The following ACACB variants were observed in gnomAD, a reference collection of about 807,000 sequenced individuals.
ACACB encodes the protein acetyl-CoA carboxylase beta.
ACACB carries 209 observed loss-of-function variants against 278.8 expected under a neutral mutation model. That is an observed-to-expected ratio of 0.75 (90% CI 0.67 to 0.84). The LOEUF is 0.84. Ranked by LOEUF, ACACB falls within the 40% of genes least tolerant of loss-of-function variation. ACACB has a pLI of 0.00. For synonymous variants in ACACB, 1,174 were observed against 1,285.6 expected (o/e 0.91, Z 1.86); for missense variants, 2,850 against 3,269.0 (o/e 0.87, Z 3.13).
chr12:109,150,954 T>G (rs907022930), intron 2 of ACACB, among the ~76,000 whole-genome samples: 1 of 151,246 alleles, frequency 6.6e-6, no homozygotes, highest in Non-Finnish European at 1.5e-5. Flanking sequence ...TTTCTTTTTC[T>G]TTTTTTCTTT....
intron 2 of ACACB, 28 bp from the exon 3 acceptor site, chr12:109,166,833 A>ACGTCTGT: frequency 2.5e-6 from 4 of 1,613,708 alleles, no homozygotes; most frequent in Non-Finnish European, 3.4e-6. Context: ...TCCCTCATGC[A>ACGTCTGT]CGTCTGTCCC....
Position 109,209,208 on chromosome 12 carries a change from C to T in ACACB, c.3104C>T (p.Pro1035Leu), listed in dbSNP as rs750458750. 1.4e-5 allele frequency: 22 copies of T among 1,608,752 alleles called. No homozygotes were observed. Among genetic ancestry groups the T allele is most frequent in the East Asian group, 8.9e-5 (4 of 44,768 alleles). Residue 1035 changes from proline to leucine, a missense_variant, in exon 21 of 53, where the codon CCG (proline) becomes CTG (leucine). By Grantham distance (98) the Pro-to-Leu change is moderately conservative. Around this residue, in one of 3 missense-constraint regions of ACACB, gnomAD observed 2,265 missense variants for 2,561.3 expected, o/e 0.88. Transcript: ENST00000338432. ...VQKLMMTLRHPSLPLLELQEI... is the reference protein window; with the variant it reads ...VQKLMMTLRHLSLPLLELQEI... Reference sequence around the variant, plus strand: ...AAGCTCATGATGACCCTCCGGCACCCGTCACTGCCGCTGCTGGAGCTGCAG... The same window carrying T: ...AAGCTCATGATGACCCTCCGGCACCTGTCACTGCCGCTGCTGGAGCTGCAG...
At chr12:109,127,687 T>A (rs1395032588) in intron 1 of ACACB, among the ~76,000 whole-genome samples, 1 of 152,172 alleles carries the variant, frequency 6.6e-6, no homozygotes, top group African/African-American at 2.4e-5. Flanking sequence ...AGATGACAGT[T>A]GCAATTATTT....
At chr12:109,222,294 C>G (rs978000463) in intron 24 of ACACB, among the ~76,000 whole-genome samples, 1 of 150,862 alleles carries the variant, frequency 6.6e-6, no homozygotes, top group Non-Finnish European at 1.5e-5. Flanking sequence ...AATGGGTGGC[C>G]GAGTGAGTGA....
chr12:109,253,867 T>C (rs35811875), intron 43 of ACACB, among the ~76,000 whole-genome samples: 72,792 of 152,002 alleles, frequency 0.48, 18,560 homozygotes, highest in Non-Finnish European at 0.57. Flanking sequence ...TCTGTTACCA[T>C]TCTCTGCAAC....
chr12:109,198,057 C>T (rs960940126), intron 17 of ACACB, among the ~76,000 whole-genome samples: 8 of 151,998 alleles, frequency 5.3e-5, no homozygotes, highest in Non-Finnish European at 7.4e-5. Flanking sequence ...GCCACCACGC[C>T]TGGCTAATTT....
chr12:109,161,819 C>T (rs2043734754), intron 2 of ACACB, among the ~76,000 whole-genome samples: 1 of 151,516 alleles, frequency 6.6e-6, no homozygotes, highest in South Asian at 2.1e-4. Flanking sequence ...TAGCTTTTTT[C>T]TTATTGAAAA....
At chr12:109,258,918 T>C in intron 46 of ACACB, 55 bp from the exon 47 acceptor site, 2 of 1,597,192 alleles carry the variant, frequency 1.3e-6, no homozygotes, top group Middle Eastern at 1.7e-4. Flanking sequence ...GCCGTCCCTC[T>C]GTCCTGGGTT....
chr12:109,208,629 G>A (rs971537983), intron 20 of ACACB, among the ~76,000 whole-genome samples: 2 of 152,102 alleles, frequency 1.3e-5, no homozygotes, highest in African/African-American at 4.8e-5. Flanking sequence ...CATCAGCATT[G>A]GCTACTGAGA....
intron 2 of ACACB, among the ~76,000 whole-genome samples, chr12:109,162,526 C>G (rs1024678892): frequency 6.6e-6 from 1 of 152,070 alleles, no homozygotes; most frequent in Non-Finnish European, 1.5e-5. Flanking sequence ...AGGGGCTGTC[C>G]ACTTCGACCC....
intron 48 of ACACB, among the ~76,000 whole-genome samples, chr12:109,260,950 T>C (rs2047361163): frequency 6.6e-6 from 1 of 152,240 alleles, no homozygotes; most frequent in Non-Finnish European, 1.5e-5. Context: ...ATAGGAAATG[T>C]TTTATTCAGT....
chr12:109,235,706 G>C, intron 33 of ACACB, 59 bp downstream of exon 33: 1 of 1,490,370 alleles, frequency 6.7e-7, no homozygotes. Context: ...TTTTTTAAGA[G>C]ATGGGATGGG....
chr12:109,133,864 T>TATATATA (rs1555202940), intron 1 of ACACB, among the ~76,000 whole-genome samples: 142 of 23,974 alleles, frequency 5.9e-3, no homozygotes, highest in Middle Eastern at 0.026. Context: ...TATATATATA[T>TATATATA]TTTTTTTTTT....
At position 109,129,895 on chromosome 12, in the gene ACACB, CG is replaced by C. The variant is rs1056153079; in HGVS notation, c.-9-9501del. On this transcript the variant is annotated intron_variant, in intron 1 of 52. Coordinates refer to ENST00000338432, the MANE Select transcript of ACACB (RefSeq NM_001093.4). ...GGAGGAAGATGCTCACAGCAGAAGC[CG>C]CCATCACTATCACCTGCCTGGTTCT... is the stretch of plus-strand genomic sequence containing the variant. Among the ~76,000 whole-genome samples the C allele has an allele frequency of 1.1e-4, 16 of 151,216 alleles. No individual in the cohort carries two copies. In the East Asian group the frequency reaches 3.3e-3, roughly 32 times the overall value.
rs1346927261 is a variant in ACACB at position 109,174,176 on chromosome 12, T to C, written c.1162T>C (p.Ser388Pro). 1 of 1,613,296 alleles carries C rather than the reference T, an allele frequency of 6.2e-7. No homozygotes were observed. The stretch of plus-strand genomic sequence containing the variant: ...GTGGGCCTTAGGAGATAAGATCGCC[T>C]CCACCGTTGTCGCCCAGACGCTACA... ...AMWALGDKIASTVVAQTLQVP... is the reference protein window; with the variant it reads ...AMWALGDKIAPTVVAQTLQVP... Residue 388 changes from serine (S) to proline (P), a missense_variant, in exon 7 of 53, where the codon TCC becomes CCC. Physicochemically the swap from Ser to Pro is moderately conservative, Grantham distance 74. Around this residue, in one of 3 missense-constraint regions of ACACB, gnomAD observed 2,265 missense variants for 2,561.3 expected, o/e 0.88. Transcript: ENST00000338432.
At chr12:109,212,429 A>G (rs1295601991) in intron 21 of ACACB, among the ~76,000 whole-genome samples, 1 of 152,184 alleles carries the variant, frequency 6.6e-6, no homozygotes, top group Non-Finnish European at 1.5e-5. Context: ...ATAATGTAGA[A>G]TCTGTGAGAG....
At chr12:109,149,207 C>T (rs923707204) in intron 2 of ACACB, among the ~76,000 whole-genome samples, 15 of 152,268 alleles carry the variant, frequency 9.9e-5, no homozygotes, top group Middle Eastern at 3.4e-3. Flanking sequence ...GACTCCAGGA[C>T]GGGCACCTCC....
chr12:109,248,248 A>G (rs1337152037), intron 40 of ACACB, among the ~76,000 whole-genome samples: 1 of 152,196 alleles, frequency 6.6e-6, no homozygotes, highest in Non-Finnish European at 1.5e-5. Flanking sequence ...TCTTTATTGC[A>G]GACCTTCTTA....
At chr12:109,260,747 G>T in intron 48 of ACACB, 90 bp downstream of exon 48, 1 of 1,296,024 alleles carries the variant, frequency 7.7e-7, no homozygotes, top group Admixed American at 2.7e-5. Context: ...GAGGGATGCA[G>T]TGGCTGGAAC....
Sources: gnomAD v4.1 joint callset for allele counts (sites outside exome capture counted in the v4.1 genomes callset) on GRCh38, gnomAD v4.1.1 for gene constraint, gnomAD v4.1.1 regional missense constraint, MANE v1.5 for transcripts, NCBI Gene and HGNC (gene_info 2026-07-23, HGNC 2026-07-21) for gene names.